TMEM178B: variants seen among roughly 807,000 people sequenced by gnomAD.
The protein encoded by TMEM178B is transmembrane protein 178B.
Under a neutral mutation model 31.0 loss-of-function variants are expected in TMEM178B, and 5 were observed. The observed-to-expected ratio is 0.16, with a 90% confidence interval of 0.08 to 0.34. TMEM178B has a LOEUF of 0.34. Among genes scored for constraint, TMEM178B ranks in the 10% least tolerant of loss-of-function variants. The pLI is 1.00. For synonymous variants in TMEM178B, 164 were observed against 164.0 expected, an observed-to-expected ratio of 1.00 and a Z score of 0.00; for missense variants, 275 against 400.3, an observed-to-expected ratio of 0.69 and a Z score of 2.67.
the TMEM178B span, among the ~76,000 whole-genome samples, chr7:141,492,988 T>G: frequency 6.6e-6 from 1 of 152,174 alleles, no homozygotes; most frequent in African/African-American, 2.4e-5. Context: ...TGTGTTGCAG[T>G]TGTAGGGAAA....
rs112291826 is a variant in TMEM178B, at chr7:141,479,443, A to C, written c.*8657A>C. The stretch of plus-strand genomic sequence containing the variant: ...TTCTACTTGGACTGGGACTCAACCC[A>C]CCATTGCCTACCTCTCTTCCCTGCC... On this transcript the variant is annotated 3_prime_UTR_variant, in exon 4 of 4. Transcript: ENST00000565468. 6.6e-6 allele frequency: 1 copy of C among 152,196 alleles called. No homozygotes were observed. The highest frequency in any genetic ancestry group is 1.5e-5 in the Non-Finnish European group (1 of 68,034). The allele number at this position is 152,196 out of a possible 1,614,324, so 9.4% of individuals were successfully genotyped here.
chr7:141,272,002 C>T (rs1332715537), intron 2 of TMEM178B, among the ~76,000 whole-genome samples: 8 of 152,184 alleles, frequency 5.3e-5, no homozygotes, highest in Non-Finnish European at 1.0e-4. Flanking sequence ...CTTGGGCCTC[C>T]TTCTCTCCAT....
chr7:141,172,379 G>A (rs1215560586), intron 1 of TMEM178B, among the ~76,000 whole-genome samples: 2 of 152,156 alleles, frequency 1.3e-5, no homozygotes, highest in African/African-American at 4.8e-5. Context: ...GGAGTGTTGG[G>A]AGTATTTTTC....
At chr7:141,131,830 T>C (rs1795600434) in intron 1 of TMEM178B, among the ~76,000 whole-genome samples, 1 of 152,206 alleles carries the variant, frequency 6.6e-6, no homozygotes, top group African/African-American at 2.4e-5. Context: ...GTGGGATTAT[T>C]TGGTAAGTGC....
At chr7:141,103,264 G>A (rs191039785) in intron 1 of TMEM178B, among the ~76,000 whole-genome samples, 8 of 152,306 alleles carry the variant, frequency 5.3e-5, no homozygotes, top group African/African-American at 1.2e-4. Flanking sequence ...GTAGATCACC[G>A]GGGTAGGAAA....
At chr7:141,143,584 T>C (rs1368562539) in intron 1 of TMEM178B, among the ~76,000 whole-genome samples, 1 of 152,224 alleles carries the variant, frequency 6.6e-6, no homozygotes, top group African/African-American at 2.4e-5. Flanking sequence ...GTGTGTCTGA[T>C]TTTGTACTGG....
At chr7:141,218,577 G>T (rs1797200681) in intron 2 of TMEM178B, among the ~76,000 whole-genome samples, 1 of 152,166 alleles carries the variant, frequency 6.6e-6, no homozygotes, top group Non-Finnish European at 1.5e-5. Context: ...GGGAAGCCCA[G>T]CGTGTCCTGG....
rs915979733 is a variant in TMEM178B at position 141,228,575 on chromosome 7, A to G, written c.496+15871A>G. ...TTGAGCTTATTAAAATTACATGGCC[A>G]AAGGACACTGCTGAGGAGATGGCTG... is the stretch of plus-strand genomic sequence containing the variant. On this transcript the variant is annotated intron_variant, in intron 2 of 3. Coordinates refer to ENST00000565468, the MANE Select transcript of TMEM178B (RefSeq NM_001195278.2). Among the ~76,000 whole-genome samples the G allele has an allele frequency of 2.3e-4, 35 of 152,272 alleles. 1 individual carries two copies. The East Asian group carries it at 5.8e-3, about 25-fold the overall frequency.
intron 2 of TMEM178B, among the ~76,000 whole-genome samples, chr7:141,237,924 G>A (rs1278929802): frequency 6.6e-6 from 1 of 151,750 alleles, no homozygotes; most frequent in African/African-American, 2.4e-5. Flanking sequence ...TCGGGAGGCT[G>A]AGGCAGGAGA....
At chr7:141,383,491 A>C (rs1800367637) in intron 2 of TMEM178B, among the ~76,000 whole-genome samples, 1 of 151,894 alleles carries the variant, frequency 6.6e-6, no homozygotes, top group African/African-American at 2.4e-5. Context: ...TCCTTGCAAA[A>C]GTTTGCTGAG....
Position 141,399,661 on chromosome 7 carries a change from C to T in TMEM178B, c.497-37947C>T, listed in dbSNP as rs140076138. Among the ~76,000 whole-genome samples the T allele has an allele frequency of 3.1e-3, 467 of 152,284 alleles. 4 individuals carry two copies. Among genetic ancestry groups the T allele is most frequent in the South Asian group, 0.016 (78 of 4,820 alleles). On this transcript the variant is annotated intron_variant, in intron 2 of 3. Coordinates refer to ENST00000565468, the MANE Select transcript of TMEM178B (RefSeq NM_001195278.2). ...CCTGTTTTCTAAGCATGTGTCTTTG[C>T]ATTTCTCCAAAGATGGTTTATGGGC...
At chr7:141,225,471 C>G (rs574912363) in intron 2 of TMEM178B, among the ~76,000 whole-genome samples, 1 of 152,140 alleles carries the variant, frequency 6.6e-6, no homozygotes, top group African/African-American at 2.4e-5. Flanking sequence ...TATAGTACTT[C>G]ATTGACATTA....
At chr7:141,313,816 G>A (rs1275297735) in intron 2 of TMEM178B, among the ~76,000 whole-genome samples, 1 of 129,284 alleles carries the variant, frequency 7.7e-6, no homozygotes, top group Non-Finnish European at 1.9e-5. Context: ...CATTATTGAT[G>A]TGCGTCTTTG....
chr7:141,460,127 T>G (rs1012879721), intron 3 of TMEM178B, among the ~76,000 whole-genome samples: 1 of 152,218 alleles, frequency 6.6e-6, no homozygotes, highest in African/African-American at 2.4e-5. Flanking sequence ...TTGTATTACT[T>G]TGTCAGGGAT....
chr7:141,235,857 C>G (rs1023065697), intron 2 of TMEM178B, among the ~76,000 whole-genome samples: 2 of 152,212 alleles, frequency 1.3e-5, no homozygotes, highest in Non-Finnish European at 2.9e-5. Flanking sequence ...CCCTTTGAAT[C>G]TTACAATCTC....
intron 3 of TMEM178B, among the ~76,000 whole-genome samples, chr7:141,448,758 T>G (rs1801807393): frequency 6.6e-6 from 1 of 152,162 alleles, no homozygotes; most frequent in African/African-American, 2.4e-5. Flanking sequence ...TCCAAATGAC[T>G]GAATAAATGC....
intron 2 of TMEM178B, among the ~76,000 whole-genome samples, chr7:141,402,068 G>A (rs770387112): frequency 7.9e-5 from 12 of 152,154 alleles, no homozygotes; most frequent in Non-Finnish European, 1.6e-4. Flanking sequence ...ATGCTGCAGC[G>A]TGTAAGGTAC....
At chr7:141,107,747 T>C (rs1025372536) in intron 1 of TMEM178B, among the ~76,000 whole-genome samples, 6 of 152,204 alleles carry the variant, frequency 3.9e-5, no homozygotes, top group African/African-American at 1.4e-4. Context: ...CAGAACAATC[T>C]GAACTGGAGA....
intron 1 of TMEM178B, among the ~76,000 whole-genome samples, chr7:141,193,753 C>T (rs940587203): frequency 1.3e-5 from 2 of 152,212 alleles, no homozygotes; most frequent in African/African-American, 4.8e-5. Context: ...ACAAGCACAA[C>T]AGCCCCAGCC....
Sources: gnomAD v4.1 joint callset for allele counts (sites outside exome capture counted in the v4.1 genomes callset) on GRCh38, gnomAD v4.1.1 for gene constraint, MANE v1.5 for transcripts, NCBI Gene and HGNC (gene_info 2026-07-23, HGNC 2026-07-21) for gene names.